The following PACRG variants were observed in gnomAD, a reference collection of about 807,000 sequenced individuals.
PACRG encodes parkin coregulated, also known as parkin coregulated gene protein.
A neutral mutation model predicts 29.7 loss-of-function variants in PACRG; 29 were observed. The observed-to-expected ratio is 0.98, with a 90% CI of 0.73 to 1.33. The LOEUF (loss-of-function observed/expected upper bound fraction) is 1.33. Ranked by LOEUF, PACRG falls within the 40% of genes most tolerant of loss-of-function variation. The pLI is 0.00. For missense variants in PACRG, 279 were observed against 316.2 expected (o/e 0.88, Z 0.89); for synonymous variants, 116 against 118.7 (o/e 0.98, Z 0.15).
rs372402445 is a variant in PACRG at position 163,167,546 on chromosome 6, T to C, written c.613+78138T>C. On this transcript the variant is annotated intron_variant, in intron 4 of 4. Transcript: ENST00000366888. ...GTTGAGCTCCTTCTAGTTGTAAATC[T>C]TCCCAAGTCAATAATATTCATATCA... Among the ~76,000 whole-genome samples, 11 of 152,348 alleles carry C rather than the reference T, an allele frequency of 7.2e-5. No individual in the cohort carries two copies. In the East Asian group the frequency reaches 1.9e-3, roughly 27 times the overall value.
At chr6:162,967,470 T>G (rs2128153683) in intron 2 of PACRG, among the ~76,000 whole-genome samples, 1 of 152,256 alleles carries the variant, frequency 6.6e-6, no homozygotes, top group South Asian at 2.1e-4. Context: ...ATTTAGAATT[T>G]TGATCAATAG....
chr6:163,256,719 C>T (rs1783124079), intron 4 of PACRG, among the ~76,000 whole-genome samples: 1 of 152,174 alleles, frequency 6.6e-6, no homozygotes, highest in African/African-American at 2.4e-5. Flanking sequence ...GCCGGCAGTT[C>T]ATGTAGAGAC....
intron 4 of PACRG, among the ~76,000 whole-genome samples, chr6:163,256,974 T>C (rs1302803936): frequency 6.6e-6 from 1 of 152,068 alleles, no homozygotes; most frequent in Non-Finnish European, 1.5e-5. Flanking sequence ...TGGTGTTCCT[T>C]GGCTCGTAGA....
chr6:163,044,932 ATAAT>A (rs1327827441), intron 2 of PACRG, among the ~76,000 whole-genome samples: 2 of 152,360 alleles, frequency 1.3e-5, no homozygotes, highest in East Asian at 3.9e-4. Flanking sequence ...CAGTATAACT[ATAAT>A]TAGATAATCT....
chr6:163,092,907 A>G (rs1436347724), intron 4 of PACRG, among the ~76,000 whole-genome samples: 1 of 152,226 alleles, frequency 6.6e-6, no homozygotes, highest in East Asian at 1.9e-4. Flanking sequence ...TGTGTGACCC[A>G]TAGCGCTCTC....
chr6:163,152,031 T>G (rs1778113269), intron 4 of PACRG, among the ~76,000 whole-genome samples: 2 of 152,222 alleles, frequency 1.3e-5, no homozygotes, highest in East Asian at 3.8e-4. Flanking sequence ...CAAATTACAA[T>G]GGCACTTCCC....
At chr6:163,208,946 C>A (rs1233651532) in intron 4 of PACRG, among the ~76,000 whole-genome samples, 1 of 152,172 alleles carries the variant, frequency 6.6e-6, no homozygotes, top group East Asian at 1.9e-4. Flanking sequence ...ACATTTTCCC[C>A]CTCTGTGTTA....
At chr6:163,149,714 G>A (rs925185675) in intron 4 of PACRG, among the ~76,000 whole-genome samples, 5 of 151,998 alleles carry the variant, frequency 3.3e-5, no homozygotes, top group African/African-American at 1.2e-4. Context: ...CCCAACACCT[G>A]TGAGCTCCAG....
intron 3 of PACRG, among the ~76,000 whole-genome samples, chr6:163,084,331 C>A (rs1813343306): frequency 1.3e-5 from 2 of 149,308 alleles, no homozygotes; most frequent in African/African-American, 4.9e-5. Flanking sequence ...AGAACTGTTT[C>A]AAAAAAAAAA....
chr6:163,224,459 A>G (rs2128160397), intron 4 of PACRG, among the ~76,000 whole-genome samples: 1 of 152,088 alleles, frequency 6.6e-6, no homozygotes, highest in South Asian at 2.1e-4. Flanking sequence ...AATAATCAAA[A>G]CAGCATGGTG....
chr6:162,901,732 T>G (rs2128058800), intron 2 of PACRG, among the ~76,000 whole-genome samples: 1 of 152,320 alleles, frequency 6.6e-6, no homozygotes, highest in South Asian at 2.1e-4. Context: ...GTTAAACACT[T>G]TATTTGTTAG....
intron 2 of PACRG, among the ~76,000 whole-genome samples, chr6:162,850,485 C>CT (rs1285314648): frequency 6.6e-6 from 1 of 152,166 alleles, no homozygotes; most frequent in Non-Finnish European, 1.5e-5. Context: ...ACTTTCAGCC[C>CT]TACCCCTGAA....
chr6:163,281,724 G>T (rs979313771), intron 4 of PACRG, among the ~76,000 whole-genome samples: 1 of 151,868 alleles, frequency 6.6e-6, no homozygotes, highest in Non-Finnish European at 1.5e-5. Context: ...AATCCATAGA[G>T]TAATAATATA....
Position 163,055,406 on chromosome 6 carries a change from A to G in PACRG, c.292-6744A>G, listed in dbSNP as rs983384895. Among the ~76,000 whole-genome samples, 3 of 152,166 alleles carry G rather than the reference A, an allele frequency of 2.0e-5. No individual in the cohort carries two copies. The highest frequency in any genetic ancestry group is 4.4e-5 in the Non-Finnish European group (3 of 68,022). ...TGCACTCACATATATACACACGTGC[A>G]CACACACGCAAACAAGCGCCTGAGG... On this transcript the variant is annotated intron_variant, in intron 2 of 4. Coordinates refer to ENST00000366888, the MANE Select transcript of PACRG (RefSeq NM_001080379.2). This position sits in a 1 kb window ranked among gnomAD's most constrained non-coding sequence, Gnocchi z 4.0.
chr6:163,269,939 G>C (rs56070519), intron 4 of PACRG, among the ~76,000 whole-genome samples: 211 of 19,826 alleles, frequency 0.011, 5 homozygotes, highest in Non-Finnish European at 0.013. Flanking sequence ...AACAAAGAAA[G>C]AAAGAAAGAA....
chr6:162,825,696 G>A (rs999522782), intron 2 of PACRG, among the ~76,000 whole-genome samples: 3 of 152,064 alleles, frequency 2.0e-5, no homozygotes, highest in Admixed American at 2.0e-4. Flanking sequence ...AGCTCCTGGG[G>A]TGTGACTTGG....
intron 1 of PACRG, among the ~76,000 whole-genome samples, chr6:162,813,803 TA>T (rs1348895325): frequency 6.6e-6 from 1 of 152,152 alleles, no homozygotes; most frequent in African/African-American, 2.4e-5. Flanking sequence ...TTTGAAATTG[TA>T]AAAGTTTTAA....
At chr6:162,730,063 CTT>C (rs1554267987) in intron 1 of PACRG, among the ~76,000 whole-genome samples, 1 of 145,866 alleles carries the variant, frequency 6.9e-6, no homozygotes, top group East Asian at 2.0e-4. Context: ...AACTGTCTCT[CTT>C]TTTTTTTTTT....
chr6:163,223,581 G>A (rs958598684), intron 4 of PACRG, among the ~76,000 whole-genome samples: 1 of 152,138 alleles, frequency 6.6e-6, no homozygotes, highest in Non-Finnish European at 1.5e-5. Flanking sequence ...CGACTCGACT[G>A]TAATGCACAG....
Sources: gnomAD v4.1 joint callset for allele counts (sites outside exome capture counted in the v4.1 genomes callset) on GRCh38, gnomAD v4.1.1 for gene constraint, Gnocchi (gnomAD v3.1) non-coding constraint, MANE v1.5 for transcripts, NCBI Gene and HGNC (gene_info 2026-07-23, HGNC 2026-07-21) for gene names.